Variants in LSAMP observed in about 807,000 individuals in gnomAD.
The protein encoded by LSAMP is limbic system-associated membrane protein.
LSAMP carries 7 observed loss-of-function variants against 38.6 expected under a neutral mutation model. That is an observed-to-expected ratio of 0.18 (90% CI 0.10 to 0.34). LSAMP has a LOEUF of 0.34. Ranked by LOEUF, LSAMP falls within the 10% of genes least tolerant of loss-of-function variation. LSAMP has a pLI of 1.00. For synonymous variants in LSAMP, 154 were observed against 166.8 expected, an observed-to-expected ratio of 0.92 and a Z score of 0.59; for missense variants, 313 against 420.0, an observed-to-expected ratio of 0.75 and a Z score of 2.23.
At chr3:116,215,221 T>C (rs967794163) in intron 1 of LSAMP, among the ~76,000 whole-genome samples, 3 of 152,184 alleles carry the variant, frequency 2.0e-5, no homozygotes, top group African/African-American at 7.2e-5. Flanking sequence ...TGTGGTCAAC[T>C]GTGAGATGCT....
At chr3:116,095,737 T>C (rs1247498875) in intron 1 of LSAMP, among the ~76,000 whole-genome samples, 1 of 152,216 alleles carries the variant, frequency 6.6e-6, no homozygotes, top group African/African-American at 2.4e-5. Flanking sequence ...TATTAGTGAT[T>C]GGAAAGAGCT....
intron 1 of LSAMP, among the ~76,000 whole-genome samples, chr3:116,411,600 G>A (rs530968761): frequency 0.017 from 2,301 of 134,820 alleles, 27 homozygotes; most frequent in Middle Eastern, 0.028. Context: ...CACAGGAAGG[G>A]GAACATCTCA....
chr3:116,286,624 A>G (rs2047197611), intron 1 of LSAMP, among the ~76,000 whole-genome samples: 1 of 152,082 alleles, frequency 6.6e-6, no homozygotes, highest in South Asian at 2.1e-4. Flanking sequence ...CTGTCTTTCC[A>G]TCTATCTGAC....
intron 1 of LSAMP, among the ~76,000 whole-genome samples, chr3:116,417,830 A>C (rs1559861088): frequency 6.6e-6 from 1 of 152,030 alleles, no homozygotes; most frequent in Non-Finnish European, 1.5e-5. Flanking sequence ...ATCAGTAAAA[A>C]GTATTTTGCT....
At chr3:116,220,563 T>C (rs1004771551) in intron 1 of LSAMP, among the ~76,000 whole-genome samples, 2 of 152,158 alleles carry the variant, frequency 1.3e-5, no homozygotes, top group African/African-American at 4.8e-5. Context: ...TTGCCAAGCA[T>C]TGGAGATGGC....
chr3:116,257,805 A>AAATC (rs1272104537), intron 1 of LSAMP, among the ~76,000 whole-genome samples: 1 of 152,142 alleles, frequency 6.6e-6, no homozygotes, highest in Non-Finnish European at 1.5e-5. Flanking sequence ...AATACCAGTT[A>AAATC]AATCAGTGAA....
chr3:115,872,957 A>G (rs1936085546), intron 3 of LSAMP, among the ~76,000 whole-genome samples: 1 of 152,104 alleles, frequency 6.6e-6, no homozygotes, highest in East Asian at 1.9e-4. Context: ...TATGAAACAT[A>G]TATGATACAT....
At chr3:116,406,044 C>T (rs1255437401) in intron 1 of LSAMP, among the ~76,000 whole-genome samples, 1 of 152,080 alleles carries the variant, frequency 6.6e-6, no homozygotes, top group Non-Finnish European at 1.5e-5. Flanking sequence ...ATAATTTTTG[C>T]ATAGCAGTTA....
intron 1 of LSAMP, among the ~76,000 whole-genome samples, chr3:116,389,929 T>A (rs2048670836): frequency 6.6e-6 from 1 of 152,126 alleles, no homozygotes; most frequent in South Asian, 2.1e-4. Context: ...AGCACTCCCA[T>A]AATTAACTCT....
At chr3:115,947,049 A>T (rs1938122682) in intron 3 of LSAMP, among the ~76,000 whole-genome samples, 1 of 152,160 alleles carries the variant, frequency 6.6e-6, no homozygotes, top group South Asian at 2.1e-4. Context: ...AAGAAAGACA[A>T]TATGATTTTT....
chr3:115,812,294 G>A (rs1018766627), intron 6 of LSAMP, among the ~76,000 whole-genome samples: 2 of 152,280 alleles, frequency 1.3e-5, no homozygotes, highest in East Asian at 3.9e-4. Flanking sequence ...TTTCTGAATT[G>A]TTATAGGATC....
intron 3 of LSAMP, among the ~76,000 whole-genome samples, chr3:115,963,464 T>C (rs1035467959): frequency 6.6e-6 from 1 of 152,128 alleles, no homozygotes; most frequent in Admixed American, 6.5e-5. Flanking sequence ...TTAAGGGAGG[T>C]AATCAAGCAG....
At chr3:116,016,070 G>C (rs1191953823) in intron 3 of LSAMP, among the ~76,000 whole-genome samples, 1 of 152,012 alleles carries the variant, frequency 6.6e-6, no homozygotes, top group East Asian at 1.9e-4. Flanking sequence ...CTGTCACACA[G>C]GGAGCAGAGT....
intron 2 of LSAMP, among the ~76,000 whole-genome samples, chr3:116,060,617 G>GGACA (rs1941577042): frequency 6.6e-6 from 1 of 152,052 alleles, no homozygotes; most frequent in African/African-American, 2.4e-5. Context: ...AAAATTAGCC[G>GGACA]GACATGGTGG....
At chr3:116,276,295 T>A (rs2047050863) in intron 1 of LSAMP, among the ~76,000 whole-genome samples, 1 of 152,028 alleles carries the variant, frequency 6.6e-6, no homozygotes, top group South Asian at 2.1e-4. Flanking sequence ...CATTTGGAAT[T>A]CAAAAAGATC....
At chr3:116,286,370 A>C (rs2047194748) in intron 1 of LSAMP, among the ~76,000 whole-genome samples, 1 of 152,222 alleles carries the variant, frequency 6.6e-6, no homozygotes, top group South Asian at 2.1e-4. Context: ...TGGGGTTAAC[A>C]GGGTTTCCTT....
intron 4 of LSAMP, among the ~76,000 whole-genome samples, chr3:115,848,500 C>A (rs1576143944): frequency 6.6e-6 from 1 of 152,172 alleles, no homozygotes; most frequent in African/African-American, 2.4e-5. Context: ...ACTGAAGATA[C>A]CAGTTAAAAT....
At chr3:116,311,308 G>T (rs2047554593) in intron 1 of LSAMP, among the ~76,000 whole-genome samples, 1 of 151,906 alleles carries the variant, frequency 6.6e-6, no homozygotes, top group Non-Finnish European at 1.5e-5. Flanking sequence ...CTCAAAATTG[G>T]CTGGACATTG....
At chr3:115,892,909 A>G (rs1047351065) in intron 3 of LSAMP, among the ~76,000 whole-genome samples, 1 of 151,552 alleles carries the variant, frequency 6.6e-6, no homozygotes, top group Non-Finnish European at 1.5e-5. Context: ...TAGGGCAGAA[A>G]TCTGTCACAG....
Sources: allele counts gnomAD v4.1 joint callset (sites outside exome capture counted in the v4.1 genomes callset), GRCh38; gene constraint gnomAD v4.1.1; transcripts MANE v1.5; gene names NCBI Gene and HGNC (gene_info 2026-07-23, HGNC 2026-07-21).